Variants in SH3BGRL2 observed in about 807,000 individuals in gnomAD.
SH3BGRL2 encodes the protein SH3 domain binding glutamate rich protein like 2, also known as SH3 domain-binding glutamic acid-rich-like protein 2.
In SH3BGRL2, 21 loss-of-function variants were observed where a neutral mutation model predicts 14.8. The ratio of observed to expected loss-of-function variants is 1.42; its 90% CI spans 1.01 to 2.05. SH3BGRL2 has a LOEUF of 2.05. Ranked by LOEUF, SH3BGRL2 falls within the 30% of genes most tolerant of loss-of-function variation. The pLI is 0.00. For missense variants in SH3BGRL2, 147 were observed against 130.8 expected, an observed-to-expected ratio of 1.12 and a Z score of -0.61; for synonymous variants, 50 against 47.8, an observed-to-expected ratio of 1.05 and a Z score of -0.19.
chr6:79,546,224 A>G, the SH3BGRL2 span, among the ~76,000 whole-genome samples: 1 of 152,278 alleles, frequency 6.6e-6, no homozygotes, highest in African/African-American at 2.4e-5. Context: ...TAATATTTGG[A>G]TGAATTAACA....
At chr6:79,666,890 C>A (rs931010757) in intron 1 of SH3BGRL2, among the ~76,000 whole-genome samples, 1 of 152,148 alleles carries the variant, frequency 6.6e-6, no homozygotes, top group Non-Finnish European at 1.5e-5. Flanking sequence ...TATCTAAAGC[C>A]TTTGAAAGCA....
chr6:79,609,464 C>G, the SH3BGRL2 span, among the ~76,000 whole-genome samples: 1 of 152,110 alleles, frequency 6.6e-6, no homozygotes, highest in Admixed American at 6.6e-5. Flanking sequence ...CTCTCCCCTG[C>G]TGACAGGGGA....
chr6:79,623,057 G>A, the SH3BGRL2 span, among the ~76,000 whole-genome samples: 58 of 152,278 alleles, frequency 3.8e-4, no homozygotes, highest in African/African-American at 1.4e-3. Context: ...TGTAATCCCA[G>A]CACTTTGGGA....
chr6:79,591,287 CTT>C, the SH3BGRL2 span, among the ~76,000 whole-genome samples: 1 of 152,142 alleles, frequency 6.6e-6, no homozygotes, highest in Non-Finnish European at 1.5e-5. Context: ...TATCAACAAT[CTT>C]TTTGTTTTTT....
chr6:79,592,159 C>A, the SH3BGRL2 span, among the ~76,000 whole-genome samples: 2 of 152,076 alleles, frequency 1.3e-5, no homozygotes, highest in African/African-American at 4.8e-5. Context: ...CATTAAGGGG[C>A]CATATTATAT....
the SH3BGRL2 span, among the ~76,000 whole-genome samples, chr6:79,626,268 TAAAAA>T: frequency 6.6e-6 from 1 of 152,060 alleles, no homozygotes; most frequent in Non-Finnish European, 1.5e-5. Flanking sequence ...AGTAAATAAA[TAAAAA>T]TAAAATCAGG....
At chr6:79,626,124 A>C in the SH3BGRL2 span, among the ~76,000 whole-genome samples, 2 of 152,140 alleles carry the variant, frequency 1.3e-5, no homozygotes, top group East Asian at 3.9e-4. Context: ...TCCATTCTAA[A>C]ATTAAAATCT....
At chr6:79,542,282 T>C in the SH3BGRL2 span, among the ~76,000 whole-genome samples, 1 of 151,584 alleles carries the variant, frequency 6.6e-6, no homozygotes, top group South Asian at 2.1e-4. Flanking sequence ...TTTTTTTTTT[T>C]CCGAGACAGG....
chr6:79,604,036 C>T, the SH3BGRL2 span, among the ~76,000 whole-genome samples: 1 of 152,150 alleles, frequency 6.6e-6, no homozygotes, highest in Non-Finnish European at 1.5e-5. Flanking sequence ...AACTCCTGAC[C>T]TCAGGTGTTC....
In SH3BGRL2 at chr6:79,701,794, T is replaced by G. The variant is rs1503; in HGVS notation, c.*2285T>G. Reference sequence around the variant, plus strand: ...AATATGGGGTCCTTACTTGTATTCTTTTATCAGCTGATTTTGAAACATATA... The same window carrying G: ...AATATGGGGTCCTTACTTGTATTCTGTTATCAGCTGATTTTGAAACATATA... On this transcript the variant is annotated 3_prime_UTR_variant, in exon 4 of 4. Coordinates refer to ENST00000369838, the MANE Select transcript of SH3BGRL2 (RefSeq NM_031469.4). 42,763 of 152,048 alleles carry G rather than the reference T, an allele frequency of 0.28. 6,845 individuals are homozygous for G. The highest frequency in any genetic ancestry group is 0.44 in the South Asian group (2,121 of 4,792). The allele number at this position is 152,048 out of a possible 1,614,324, so 9.4% of individuals were successfully genotyped here.
intron 1 of SH3BGRL2, among the ~76,000 whole-genome samples, chr6:79,646,212 C>T (rs1769141178): frequency 2.0e-5 from 3 of 152,206 alleles, no homozygotes; most frequent in Admixed American, 2.0e-4. Flanking sequence ...CACCACTCTA[C>T]AGTATCAGAG....
intron 1 of SH3BGRL2, among the ~76,000 whole-genome samples, chr6:79,636,993 A>G (rs1218906563): frequency 6.6e-6 from 1 of 152,208 alleles, no homozygotes; most frequent in East Asian, 1.9e-4. Flanking sequence ...CTCAACACAT[A>G]ATAGCATGCA....
intron 3 of SH3BGRL2, among the ~76,000 whole-genome samples, chr6:79,698,885 T>G (rs1406997861): frequency 1.3e-5 from 2 of 152,198 alleles, no homozygotes; most frequent in East Asian, 3.9e-4. Flanking sequence ...AAAGTTAAAA[T>G]TTAGTAGACC....
chr6:79,555,321 G>A, the SH3BGRL2 span, among the ~76,000 whole-genome samples: 1 of 151,918 alleles, frequency 6.6e-6, no homozygotes, highest in African/African-American at 2.4e-5. Flanking sequence ...GTGGTGTTGG[G>A]CACCTGTAAT....
the SH3BGRL2 span, among the ~76,000 whole-genome samples, chr6:79,610,889 A>G: frequency 2.6e-5 from 4 of 152,190 alleles, no homozygotes; most frequent in Admixed American, 6.5e-5. Flanking sequence ...AGACCTGGCC[A>G]TATATGGCAC....
chr6:79,545,216 C>T, the SH3BGRL2 span, among the ~76,000 whole-genome samples: 14 of 151,852 alleles, frequency 9.2e-5, no homozygotes, highest in Admixed American at 2.6e-4. Flanking sequence ...CTTTTCTTTT[C>T]GTCCTTTGTG....
At chr6:79,615,432 C>T in the SH3BGRL2 span, among the ~76,000 whole-genome samples, 1 of 152,160 alleles carries the variant, frequency 6.6e-6, no homozygotes, top group African/African-American at 2.4e-5. Context: ...GCCTGATGCA[C>T]CTTACTGGTT....
chr6:79,624,866 T>C, the SH3BGRL2 span, among the ~76,000 whole-genome samples: 4 of 152,070 alleles, frequency 2.6e-5, no homozygotes, highest in Non-Finnish European at 2.9e-5. Flanking sequence ...AGGGGGAATG[T>C]GAACTGATTC....
chr6:79,563,144 A>ATTT, the SH3BGRL2 span, among the ~76,000 whole-genome samples: 3 of 138,318 alleles, frequency 2.2e-5, no homozygotes, highest in Non-Finnish European at 3.2e-5. Flanking sequence ...TTTTTTTTGT[A>ATTT]TTTTTTTTTT....
Sources: allele counts gnomAD v4.1 joint callset (sites outside exome capture counted in the v4.1 genomes callset), GRCh38; gene constraint gnomAD v4.1.1; transcripts MANE v1.5; gene names NCBI Gene and HGNC (gene_info 2026-07-23, HGNC 2026-07-21).